Variants in MYO7A observed in about 807,000 individuals in gnomAD.
MYO7A encodes the protein unconventional myosin-VIIa.
A neutral mutation model predicts 263.8 loss-of-function variants in MYO7A; 210 were observed. That is an observed-to-expected ratio of 0.80 (90% CI 0.71 to 0.89). The LOEUF (loss-of-function observed/expected upper bound fraction) is 0.89, where lower values mean the gene tolerates loss of function less well. Ranked by LOEUF, MYO7A falls within the 40% of genes least tolerant of loss-of-function variation. The probability of loss-of-function intolerance (pLI) is 0.00; values close to 1 mark genes in which losing one functional copy is unlikely to be tolerated. For synonymous variants in MYO7A, 1,239 were observed against 1,197.3 expected (o/e 1.03, Z -0.72); for missense variants, 2,820 against 2,968.3 (o/e 0.95, Z 1.16).
chr11:77,158,301 C>G lies in MYO7A; in HGVS notation c.874C>G (p.Arg292Gly). 3 of 1,609,450 alleles carry G rather than the reference C, an allele frequency of 1.9e-6. No individual in the cohort carries two copies. Among genetic ancestry groups the G allele is most frequent in the Non-Finnish European group, 2.5e-6 (3 of 1,177,000 alleles). Residue 292 changes from arginine (R) to glycine (G), a missense_variant, in exon 9 of 49, where the codon CGG (arginine) becomes GGG (glycine). Arg to Gly is a moderately radical substitution (Grantham distance 125, BLOSUM62 -2). Transcript: ENST00000409709. ...GGGTAACTGCATAACCTGTGAGGGC[C>G]GGGTGGACAGCCAGGAGTACGCCAA... is the stretch of plus-strand genomic sequence containing the variant. The part of the protein sequence containing the change: ...AMGNCITCEG[R>G]VDSQEYANIR...
At chr11:77,207,552 T>C (rs1957534561) in intron 42 of MYO7A, 150 bp downstream of exon 42, 5 of 679,398 alleles carry the variant, frequency 7.4e-6, no homozygotes, top group Non-Finnish European at 1.3e-5. Flanking sequence ...AGCCTCCCCT[T>C]ACATGGAGTG....
rs1005117999 is a variant in MYO7A at position 77,197,345 on chromosome 11, G to A, written c.4324-136G>A. 3 of 639,670 alleles carry A rather than the reference G, an allele frequency of 4.7e-6. No homozygotes were observed. In the Admixed American group the frequency reaches 8.7e-5, roughly 18 times the overall value. 39.6% of individuals were successfully genotyped at this position (639,670 alleles called of 1,614,324 possible). ...GGACAGGGTGGCTGCAGACAGATGG[G>A]AGCAGGGCAAGGCCACGATGCACAG... On this transcript the variant is annotated intron_variant, in intron 32 of 48. Transcript: ENST00000409709.
Position 77,160,244 on chromosome 11 carries a change from A to C in MYO7A, c.1162A>C (p.Arg388=). Residue 388 remains arginine, a synonymous_variant, in exon 11 of 49, where the codon AGG becomes CGG. Coordinates refer to ENST00000409709, the MANE Select transcript of MYO7A (RefSeq NM_000260.4). Reference sequence around the variant, plus strand: ...GGAGACGGTGTCCACCCCACTGAGCAGGGAACAGGCACTGGACGTGCGCGA... The same window carrying C: ...GGAGACGGTGTCCACCCCACTGAGCCGGGAACAGGCACTGGACGTGCGCGA... ...RGETVSTPLS[R]EQALDVRDAF... 2 of 1,579,540 alleles carry C rather than the reference A, an allele frequency of 1.3e-6. No individual in the cohort carries two copies. The highest frequency in any genetic ancestry group is 1.7e-6 in the Non-Finnish European group (2 of 1,163,244).
rs782348254 is a variant in MYO7A at position 77,181,433 on chromosome 11, G to A, written c.2748G>A (p.Lys916=). Residue 916 remains lysine (K), a synonymous_variant, in exon 23 of 49, where the codon AAG becomes AAA. Transcript: ENST00000409709. ...REDAERELKE[K]EAARRKKELL... ...ACGCTGAGCGGGAGCTGAAGGAGAA[G>A]GAGGCCGCTCGGCGGAAGAAGGAGC... 3.3e-5 allele frequency: 53 copies of A among 1,598,196 alleles called. No homozygotes were observed. The highest frequency in any genetic ancestry group is 4.5e-5 in the Non-Finnish European group (53 of 1,172,922).
chr11:77,171,861 A>G (rs939983688), intron 15 of MYO7A, among the ~76,000 whole-genome samples: 5 of 151,990 alleles, frequency 3.3e-5, no homozygotes, highest in Admixed American at 3.3e-4. Flanking sequence ...CCCCCACCTC[A>G]TTTCACAGTA....
intron 12 of MYO7A, among the ~76,000 whole-genome samples, chr11:77,161,388 T>C (rs1445137950): frequency 6.6e-6 from 1 of 152,174 alleles, no homozygotes; most frequent in Admixed American, 6.5e-5. Flanking sequence ...CACTGGCCAC[T>C]GCCGATCTGC....
intron 29 of MYO7A, 54 bp from the exon 30 acceptor site, chr11:77,190,643 G>A (rs1955991021): frequency 6.5e-7 from 1 of 1,532,392 alleles, no homozygotes; most frequent in East Asian, 2.4e-5. Flanking sequence ...AGTCCAGAGG[G>A]GCAGGCAGGT....
rs2135227686 is a variant in MYO7A, at chr11:77,156,014, C to G, written c.393C>G (p.Pro131=). The G allele has an allele frequency of 2.7e-5, 43 of 1,613,920 alleles. No individual in the cohort carries two copies. Among genetic ancestry groups the G allele is most frequent in the Non-Finnish European group, 3.4e-5 (40 of 1,179,874 alleles). ...QYTNKKIGEM[P]PHIFAIADNC... is the part of the protein sequence containing the mutation. ...CCAACAAGAAGATTGGGGAGATGCC[C>G]CCCCACATCTTTGCCATTGCTGACA... Residue 131 remains proline, a synonymous_variant, in exon 5 of 49, where the codon CCC becomes CCG. Coordinates refer to ENST00000409709, the MANE Select transcript of MYO7A (RefSeq NM_000260.4).
In MYO7A at chr11:77,199,838, G is replaced by C; in HGVS notation, c.4852+20G>C. 1 of 1,567,236 alleles carries C rather than the reference G, an allele frequency of 6.4e-7. No homozygotes were observed. Among genetic ancestry groups the C allele is most frequent in the Non-Finnish European group, 8.7e-7 (1 of 1,150,372 alleles). ...ACCCCGGTGAGTGGCTGCTGGTATGGACTGCCTGGCACTGGGGGTCAGGGT... is the reference window on the plus strand; with the variant it reads ...ACCCCGGTGAGTGGCTGCTGGTATGCACTGCCTGGCACTGGGGGTCAGGGT... On this transcript the variant is annotated intron_variant, in intron 35 of 48. Coordinates refer to ENST00000409709, the MANE Select transcript of MYO7A (RefSeq NM_000260.4).
At chr11:77,177,224 G>A (rs2076968) in intron 18 of MYO7A, among the ~76,000 whole-genome samples, 84,068 of 152,032 alleles carry the variant, frequency 0.55, 23,476 homozygotes, top group Admixed American at 0.61. Flanking sequence ...TGACAGGGAC[G>A]TCTAGAAGCA....
At chr11:77,178,405 C>A (rs924465463) in intron 19 of MYO7A, among the ~76,000 whole-genome samples, 6 of 152,080 alleles carry the variant, frequency 3.9e-5, no homozygotes, top group Non-Finnish European at 7.4e-5. Flanking sequence ...CCTACCCATT[C>A]ATTCCTCCAT....
intron 14 of MYO7A, 115 bp downstream of exon 14, chr11:77,163,103 C>T (rs2135314177): frequency 3.3e-6 from 3 of 898,566 alleles, no homozygotes; most frequent in Non-Finnish European, 3.2e-6. Context: ...TGTGATTATT[C>T]ATATATATAT....
At chr11:77,157,591 C>T (rs766251339) in intron 8 of MYO7A, among the ~76,000 whole-genome samples, 199 bp downstream of exon 8, 10 of 152,142 alleles carry the variant, frequency 6.6e-5, no homozygotes, top group Admixed American at 4.6e-4. Flanking sequence ...CCTTGGGGCA[C>T]GCACACGGCA....
chr11:77,163,229 G>A (rs1368191812), intron 14 of MYO7A, among the ~76,000 whole-genome samples: 1 of 152,110 alleles, frequency 6.6e-6, no homozygotes, highest in Non-Finnish European at 1.5e-5. Flanking sequence ...GCCCCAAACA[G>A]AGGCTCTGCA....
At chr11:77,206,838 G>A (rs1957473245) in intron 41 of MYO7A, among the ~76,000 whole-genome samples, 1 of 152,186 alleles carries the variant, frequency 6.6e-6, no homozygotes, top group South Asian at 2.1e-4. Context: ...AAGGACCAAA[G>A]ACTTCCTCAA....
intron 30 of MYO7A, 152 bp downstream of exon 30, chr11:77,191,022 C>T (rs1956028353): frequency 3.3e-6 from 3 of 897,462 alleles, no homozygotes; most frequent in Non-Finnish European, 4.9e-6. Context: ...CCTGACTCCT[C>T]AGGACTGCCG....
chr11:77,205,172 C>T (rs959975189), intron 39 of MYO7A, among the ~76,000 whole-genome samples: 2 of 152,226 alleles, frequency 1.3e-5, no homozygotes, highest in African/African-American at 4.8e-5. Flanking sequence ...CATGGTAACC[C>T]GGTGGCTTTT....
rs1279672300 is a variant in MYO7A, at chr11:77,204,203, G to A, written c.5454G>A (p.Leu1818=). 6.3e-7 allele frequency: 1 copy of A among 1,579,894 alleles called. No individual in the cohort carries two copies. Among genetic ancestry groups the A allele is most frequent in the Admixed American group, 1.8e-5 (1 of 55,094 alleles). The change falls in exon 39 of 49, where the codon CTG becomes CTA. Residue 1818 remains leucine, a synonymous_variant. Coordinates refer to ENST00000409709, the MANE Select transcript of MYO7A (RefSeq NM_000260.4). ...PLKDEAYVQI[L]KQLTDNHIRY... ...AGGACGAGGCATATGTGCAGATCCT[G>A]AAGCAGCTGACCGACAACCACATCA...
intron 31 of MYO7A, among the ~76,000 whole-genome samples, chr11:77,193,483 G>A (rs1234648123): frequency 6.6e-6 from 1 of 150,854 alleles, no homozygotes; most frequent in Non-Finnish European, 1.5e-5. Context: ...AGTGATGATG[G>A]TGGTGATGGT....
Sources: allele counts gnomAD v4.1 joint callset (sites outside exome capture counted in the v4.1 genomes callset), GRCh38; gene constraint gnomAD v4.1.1; transcripts MANE v1.5; gene names NCBI Gene and HGNC (gene_info 2026-07-23, HGNC 2026-07-21).